The following SELENOO variants were observed in gnomAD, a reference collection of about 807,000 sequenced individuals.
SELENOO encodes the protein selenoprotein O.
SELENOO carries 74 observed loss-of-function variants against 58.7 expected under a neutral mutation model. That is an observed-to-expected ratio of 1.26 (90% CI 1.04 to 1.53). SELENOO has a LOEUF of 1.53. Ranked by LOEUF, SELENOO falls within the 40% of genes most tolerant of loss-of-function variation. The pLI, the probability that SELENOO is intolerant of heterozygous loss-of-function variation, is 0.00. For synonymous variants in SELENOO, 543 were observed against 453.2 expected (o/e 1.20, Z -2.52); for missense variants, 1,149 against 970.0 (o/e 1.18, Z -2.45).
At position 50,216,812 on chromosome 22, in the gene SELENOO, C is replaced by T; in HGVS notation, c.1624C>T (p.Leu542=). 1.2e-6 allele frequency: 2 copies of T among 1,608,664 alleles called. No homozygotes were observed. Among genetic ancestry groups the T allele is most frequent in the Non-Finnish European group, 1.7e-6 (2 of 1,179,848 alleles). Residue 542 remains leucine, a synonymous_variant, in exon 7 of 9, where the codon CTG becomes TTG. Coordinates refer to ENST00000380903, the MANE Select transcript of SELENOO (RefSeq NM_031454.2). ...RVEQQSRLEQ[L]SAAELQSRNQ... ...GGAGCAGCAGTCTCGGCTGGAGCAG[C>T]TGAGTGCGGCAGAGCTGCAGAGCAG...
chr22:50,207,154 G>A (rs1331808600), intron 2 of SELENOO, among the ~76,000 whole-genome samples: 4 of 151,802 alleles, frequency 2.6e-5, no homozygotes, highest in Admixed American at 2.0e-4. Context: ...ACAGAGTATC[G>A]CTCTGTCACC....
intron 1 of SELENOO, among the ~76,000 whole-genome samples, chr22:50,202,934 G>A (rs2064312606): frequency 6.6e-6 from 1 of 152,120 alleles, no homozygotes; most frequent in Non-Finnish European, 1.5e-5. Flanking sequence ...AGAAAATAAA[G>A]AAAACATAAA....
intron 2 of SELENOO, 125 bp from the exon 3 acceptor site, chr22:50,208,411 C>T (rs1602490913): frequency 1.2e-6 from 1 of 838,662 alleles, no homozygotes; most frequent in Non-Finnish European, 1.8e-6. Context: ...GCCTGGACAA[C>T]AAGAGTGAGA....
At chr22:50,210,969 TG>T (rs1190855750) in intron 5 of SELENOO, 58 bp downstream of exon 5, 68 of 1,584,104 alleles carry the variant, frequency 4.3e-5, no homozygotes, top group Non-Finnish European at 5.7e-5. Flanking sequence ...TGCTTAGAGA[TG>T]GTTTACCTTC....
chr22:50,201,235 C>G lies in SELENOO; in HGVS notation c.199C>G (p.Pro67Ala), dbSNP rs2064297016. 1.8e-6 allele frequency: 2 copies of G among 1,123,776 alleles called. No homozygotes were observed. The highest frequency in any genetic ancestry group is 5.0e-5 in the Admixed American group (1 of 20,150). 69.6% of individuals were successfully genotyped at this position (1,123,776 alleles called of 1,614,324 possible). A position where few individuals can be genotyped will look rare whatever the true frequency, so the allele number is the denominator to read the frequency against. ...GCCCGTGGAGGCGCCGCCGCCCGGT[C>G]CCGAGGGCGCCCCGTCCGCGCCGCG... ...ALPVEAPPPG[P>A]EGAPSAPRPV... The change falls in exon 1 of 9, where the codon CCC becomes GCC. Residue 67 changes from proline to alanine, a missense_variant. By Grantham distance (27) the Pro-to-Ala change is conservative (BLOSUM62 -1). Coordinates refer to ENST00000380903, the MANE Select transcript of SELENOO (RefSeq NM_031454.2).
intron 6 of SELENOO, 134 bp downstream of exon 6, chr22:50,216,001 C>A: frequency 1.4e-6 from 1 of 700,118 alleles, no homozygotes; most frequent in East Asian, 2.7e-5. Context: ...GGGACAGATT[C>A]AGTCAGGGCT....
At chr22:50,213,464 T>A (rs946900876) in intron 5 of SELENOO, among the ~76,000 whole-genome samples, 1 of 152,154 alleles carries the variant, frequency 6.6e-6, no homozygotes, top group Admixed American at 6.5e-5. Context: ...TGGAGAACTT[T>A]CTGTGTGCCC....
At chr22:50,214,465 C>T (rs1345152443) in intron 5 of SELENOO, among the ~76,000 whole-genome samples, 1 of 152,220 alleles carries the variant, frequency 6.6e-6, no homozygotes, top group Non-Finnish European at 1.5e-5. Flanking sequence ...ACTAAAAATA[C>T]AAAGATTAGC....
Position 50,210,914 on chromosome 22 carries a change from G to A in SELENOO, c.1351+3G>A, listed in dbSNP as rs1223905356. On this transcript the variant is annotated splice_donor_region_variant and intron_variant, in intron 5 of 8. Coordinates refer to ENST00000380903, the MANE Select transcript of SELENOO (RefSeq NM_031454.2). ...CCTGGAGACCATGCATCTGACCGGT[G>A]AGTGACCCAGCCGTGCCCACAGCAA... is the stretch of plus-strand genomic sequence containing the variant. 1.2e-6 allele frequency: 2 copies of A among 1,613,928 alleles called. No homozygotes were observed. The highest frequency in any genetic ancestry group is 8.5e-7 in the Non-Finnish European group (1 of 1,180,014).
chr22:50,215,798 C>T lies in SELENOO; in HGVS notation c.1433C>T (p.Ala478Val), dbSNP rs759467143. ...LESPGLAEFLARLMEQCASLE... is the reference protein window; with the variant it reads ...LESPGLAEFLVRLMEQCASLE... ...TCGCCAGGCCTGGCGGAATTCCTGGCCAGGCTGATGGAGCAGTGTGCCTCC... is the reference window on the plus strand; with the variant it reads ...TCGCCAGGCCTGGCGGAATTCCTGGTCAGGCTGATGGAGCAGTGTGCCTCC... The change falls in exon 6 of 9, where the codon GCC (alanine) becomes GTC (valine). Residue 478 changes from alanine (A) to valine (V), a missense_variant. Physicochemically the swap from Ala to Val is moderately conservative, Grantham distance 64. Coordinates refer to ENST00000380903, the MANE Select transcript of SELENOO (RefSeq NM_031454.2). 12 of 1,612,786 alleles carry T rather than the reference C, an allele frequency of 7.4e-6. No individual in the cohort carries two copies. In the Admixed American group the frequency reaches 2.0e-4, roughly 27 times the overall value.
At chr22:50,210,152 G>C in intron 3 of SELENOO, 29 bp from the exon 4 acceptor site, 1 of 1,606,410 alleles carries the variant, frequency 6.2e-7, no homozygotes, top group South Asian at 1.1e-5. Flanking sequence ...GGACCCCGAG[G>C]AGGGAGCAAG....
chr22:50,208,983 G>C (rs547440323), intron 3 of SELENOO, among the ~76,000 whole-genome samples: 10 of 152,286 alleles, frequency 6.6e-5, no homozygotes, highest in Admixed American at 5.9e-4. Context: ...GCGGGGGTGC[G>C]GGGTGGGAGC....
At chr22:50,211,183 C>T (rs551344806) in intron 5 of SELENOO, among the ~76,000 whole-genome samples, 1 of 152,290 alleles carries the variant, frequency 6.6e-6, no homozygotes, top group African/African-American at 2.4e-5. Flanking sequence ...GGATTTTATT[C>T]CATTTGAAGG....
At position 50,210,255 on chromosome 22, in the gene SELENOO, CA is replaced by C; in HGVS notation, c.1016del (p.Asn339ThrfsTer2). ...GFCHGVLNTD[N>X]MSILGLTIDY... Reference sequence around the variant, plus strand: ...TCTGCCACGGCGTGCTCAACACCGACAACATGAGCATCCTGGGGCTCACCAT... The same window carrying C: ...TCTGCCACGGCGTGCTCAACACCGACACATGAGCATCCTGGGGCTCACCAT... On this transcript the variant is annotated frameshift_variant, in exon 4 of 9. Coordinates refer to ENST00000380903, the MANE Select transcript of SELENOO (RefSeq NM_031454.2). LOFTEE classifies it high-confidence loss of function. 1.2e-6 allele frequency: 2 copies of C among 1,613,518 alleles called. No individual in the cohort carries two copies. The highest frequency in any genetic ancestry group is 2.2e-5 in the South Asian group (2 of 91,080).
intron 5 of SELENOO, among the ~76,000 whole-genome samples, chr22:50,212,124 G>C (rs908980846): frequency 2.4e-4 from 36 of 152,228 alleles, no homozygotes; most frequent in Admixed American, 1.5e-3. Context: ...GTTTGGCTTT[G>C]ATGTCAAGGT....
At chr22:50,216,289 G>T (rs1289772878) in intron 6 of SELENOO, among the ~76,000 whole-genome samples, 1 of 152,236 alleles carries the variant, frequency 6.6e-6, no homozygotes, top group Admixed American at 6.5e-5. Context: ...GGTTGGCTGG[G>T]AGCACCGGCC....
Position 50,217,434 on chromosome 22 carries a change from G to A in SELENOO, c.*65G>A. The stretch of plus-strand genomic sequence containing the variant: ...CCCCCATGTGCTGCTGAGTGGCCAA[G>A]ATGATGCCAGGCTGCCCTATACACT... On this transcript the variant is annotated 3_prime_UTR_variant, in exon 9 of 9. Transcript: ENST00000380903. 4 of 1,570,000 alleles carry A rather than the reference G, an allele frequency of 2.5e-6. No individual in the cohort carries two copies. The South Asian group carries it at 4.6e-5, about 18-fold the overall frequency.
Position 50,212,637 on chromosome 22 carries a change from A to C in SELENOO, c.1351+1726A>C, listed in dbSNP as rs543556988. Among the ~76,000 whole-genome samples the C allele has an allele frequency of 2.0e-5, 3 of 152,312 alleles. No individual in the cohort carries two copies. In the South Asian group the frequency reaches 6.2e-4, roughly 32 times the overall value. On this transcript the variant is annotated intron_variant, in intron 5 of 8. Coordinates refer to ENST00000380903, the MANE Select transcript of SELENOO (RefSeq NM_031454.2). ...TCCCCTCCCTGCAGCCCCTGGTAGC[A>C]ACCACTCCGCTCCGAGTCTGTGAAC...
chr22:50,217,541 T>G lies in SELENOO; in HGVS notation c.*172T>G. 2.0e-6 allele frequency: 2 copies of G among 1,019,446 alleles called. No individual in the cohort carries two copies. The highest frequency in any genetic ancestry group is 2.8e-6 in the Non-Finnish European group (2 of 707,156). The allele number at this position is 1,019,446 out of a possible 1,614,324, so 63.2% of individuals were successfully genotyped here. The stretch of plus-strand genomic sequence containing the variant: ...AGTCAGGACCTGACCCGTCTCTGTC[T>G]GAGGCCGGCTCAGCAGTGCAGCCTG... On this transcript the variant is annotated 3_prime_UTR_variant, in exon 9 of 9. Coordinates refer to ENST00000380903, the MANE Select transcript of SELENOO (RefSeq NM_031454.2).
Sources: allele counts gnomAD v4.1 joint callset (sites outside exome capture counted in the v4.1 genomes callset), GRCh38; gene constraint gnomAD v4.1.1; transcripts MANE v1.5; gene names NCBI Gene and HGNC (gene_info 2026-07-23, HGNC 2026-07-21).